Variants in FAM184A observed in about 807,000 individuals in gnomAD.
FAM184A encodes family with sequence similarity 184 member A, also known as protein FAM184A.
FAM184A carries 99 observed loss-of-function variants against 143.8 expected under a neutral mutation model. That is an observed-to-expected ratio of 0.69 (90% CI 0.58 to 0.81). FAM184A has a LOEUF of 0.81. Among genes scored for constraint, FAM184A ranks in the 40% least tolerant of loss-of-function variants. FAM184A has a pLI of 0.00. For synonymous variants in FAM184A, 427 were observed against 446.4 expected, an observed-to-expected ratio of 0.96 and a Z score of 0.55; for missense variants, 1,217 against 1,310.5, an observed-to-expected ratio of 0.93 and a Z score of 1.10.
intron 1 of FAM184A, among the ~76,000 whole-genome samples, chr6:119,097,605 G>A (rs991765249): frequency 6.6e-6 from 1 of 152,194 alleles, no homozygotes; most frequent in Admixed American, 6.5e-5. Context: ...TACTTGCTAA[G>A]TGGCCGAAAC....
intron 17 of FAM184A, 141 bp from the exon 18 acceptor site, chr6:118,960,325 C>A: frequency 1.6e-6 from 1 of 631,362 alleles, no homozygotes; most frequent in Non-Finnish European, 2.7e-6. Context: ...TTGCTACCCC[C>A]TCTATACTAG....
chr6:118,983,051 G>T (rs1427456844), intron 9 of FAM184A, among the ~76,000 whole-genome samples: 4 of 152,132 alleles, frequency 2.6e-5, no homozygotes, highest in Non-Finnish European at 4.4e-5. Flanking sequence ...AACATACTTA[G>T]ATATTTTGTA....
chr6:119,123,294 C>A (rs1789275895), intron 1 of FAM184A, among the ~76,000 whole-genome samples: 1 of 151,252 alleles, frequency 6.6e-6, no homozygotes, highest in Non-Finnish European at 1.5e-5. Context: ...GAGCCTGAGG[C>A]AGGAGAATCA....
At chr6:119,043,155 T>C (rs906036157) in intron 1 of FAM184A, among the ~76,000 whole-genome samples, 6 of 152,116 alleles carry the variant, frequency 3.9e-5, no homozygotes, top group Non-Finnish European at 8.8e-5. Flanking sequence ...CTAATGACTA[T>C]GAAATAACCT....
At chr6:119,034,037 T>TAG (rs1188109016) in intron 1 of FAM184A, among the ~76,000 whole-genome samples, 11 of 42,092 alleles carry the variant, frequency 2.6e-4, no homozygotes, top group Admixed American at 1.8e-3. Context: ...TATATATATA[T>TAG]ATATAGAGAG....
chr6:119,118,848 A>G (rs1789131760), intron 1 of FAM184A, among the ~76,000 whole-genome samples: 1 of 152,222 alleles, frequency 6.6e-6, no homozygotes, highest in African/African-American at 2.4e-5. Context: ...TTCAGGGAAC[A>G]AGAGAGGTAA....
intron 1 of FAM184A, among the ~76,000 whole-genome samples, chr6:119,107,009 GGCCATATATTACTTTCACA>G (rs1562152965): frequency 6.6e-6 from 1 of 152,136 alleles, no homozygotes; most frequent in African/African-American, 2.4e-5. Context: ...TGTTTTTGTA[GGCCATATATTACTTTCACA>G]GCTCTCAAGG....
intron 6 of FAM184A, among the ~76,000 whole-genome samples, chr6:119,008,139 T>C (rs1323172562): frequency 6.6e-6 from 1 of 152,174 alleles, no homozygotes; most frequent in African/African-American, 2.4e-5. Flanking sequence ...ACAATAAAAA[T>C]GGATACATGG....
intron 3 of FAM184A, among the ~76,000 whole-genome samples, chr6:119,022,112 G>A (rs962061170): frequency 7.9e-6 from 1 of 126,180 alleles, no homozygotes; most frequent in Non-Finnish European, 1.6e-5. Flanking sequence ...AGGCTGAAGT[G>A]CACTGGCGCA....
rs1048391125 is a variant in FAM184A at position 119,027,630 on chromosome 6, C to A, written c.160-2817G>T. ...GGAGGTAATTCAGTAACTTGTTAAA[C>A]GAAAAGGTAGCAGAACAATAGCCAA... On this transcript the variant is annotated intron_variant, in intron 1 of 17. Transcript: ENST00000338891. Among the ~76,000 whole-genome samples, 7 of 152,058 alleles carry A rather than the reference C, an allele frequency of 4.6e-5. No homozygotes were observed. The East Asian group carries it at 9.7e-4, about 21-fold the overall frequency.
At chr6:119,019,183 C>G (rs1382792307) in intron 4 of FAM184A, among the ~76,000 whole-genome samples, 2 of 152,046 alleles carry the variant, frequency 1.3e-5, no homozygotes, top group African/African-American at 4.8e-5. Context: ...GGGAAGTTCA[C>G]AAAGAAGACT....
chr6:119,122,430 T>A (rs12174735), intron 1 of FAM184A, among the ~76,000 whole-genome samples: 1 of 151,992 alleles, frequency 6.6e-6, no homozygotes, highest in South Asian at 2.1e-4. Context: ...GTGGCCTTTC[T>A]GACAGTCTGG....
At chr6:119,111,638 G>C (rs1009754754) in intron 1 of FAM184A, among the ~76,000 whole-genome samples, 1 of 152,206 alleles carries the variant, frequency 6.6e-6, no homozygotes, top group African/African-American at 2.4e-5. Flanking sequence ...AGTCTGTTGG[G>C]TTTCCCCATT....
chr6:119,060,108 T>C (rs1006743431), intron 1 of FAM184A, among the ~76,000 whole-genome samples: 1 of 152,206 alleles, frequency 6.6e-6, no homozygotes. Flanking sequence ...GTTTAGATTT[T>C]GGTAGATATT....
chr6:119,141,694 C>A (rs1026766014), intron 1 of FAM184A, among the ~76,000 whole-genome samples: 2 of 151,958 alleles, frequency 1.3e-5, no homozygotes, highest in Non-Finnish European at 2.9e-5. Context: ...CCAGGCTGGT[C>A]TTGAACTTCT....
At chr6:119,070,742 A>G (rs1787654844) in intron 1 of FAM184A, among the ~76,000 whole-genome samples, 1 of 152,130 alleles carries the variant, frequency 6.6e-6, no homozygotes, top group Non-Finnish European at 1.5e-5. Context: ...GACATGGGGC[A>G]CCAATTCTGA....
chr6:119,147,435 G>C (rs1037400522), intron 1 of FAM184A, among the ~76,000 whole-genome samples: 7 of 152,080 alleles, frequency 4.6e-5, no homozygotes, highest in African/African-American at 1.4e-4. Context: ...TAAGATGAGG[G>C]CTCCCAACCC....
intron 1 of FAM184A, among the ~76,000 whole-genome samples, chr6:119,148,396 G>C (rs1253184660): frequency 6.6e-6 from 1 of 152,186 alleles, no homozygotes; most frequent in African/African-American, 2.4e-5. Context: ...ATTCTTCTCA[G>C]TGATGAAAGT....
At chr6:119,021,381 A>G (rs773488004) in intron 3 of FAM184A, among the ~76,000 whole-genome samples, 30 of 152,246 alleles carry the variant, frequency 2.0e-4, no homozygotes, top group Non-Finnish European at 3.2e-4. Flanking sequence ...GTGAAAAAGC[A>G]TACCAGCCAC....
Sources: allele counts gnomAD v4.1 joint callset (sites outside exome capture counted in the v4.1 genomes callset), GRCh38; gene constraint gnomAD v4.1.1; transcripts MANE v1.5; gene names NCBI Gene and HGNC (gene_info 2026-07-23, HGNC 2026-07-21).